The following CNTNAP2 variants were observed in gnomAD, a reference collection of about 807,000 sequenced individuals.
The protein encoded by CNTNAP2 is contactin-associated protein-like 2.
CNTNAP2 carries 98 observed loss-of-function variants against 155.2 expected under a neutral mutation model. That is an observed-to-expected ratio of 0.63 (90% CI 0.54 to 0.75). The LOEUF is 0.75. Among genes scored for constraint, CNTNAP2 ranks in the 30% least tolerant of loss-of-function variants. The probability of loss-of-function intolerance (pLI) is 0.00; values close to 1 mark genes in which losing one functional copy is unlikely to be tolerated. For missense variants in CNTNAP2, 1,727 were observed against 1,688.1 expected, an observed-to-expected ratio of 1.02 and a Z score of -0.40; for synonymous variants, 651 against 631.2, an observed-to-expected ratio of 1.03 and a Z score of -0.47.
At position 147,980,846 on chromosome 7, in the gene CNTNAP2, G is replaced by C. The variant is rs567317763; in HGVS notation, c.2383+2857G>C. Among the ~76,000 whole-genome samples, 599 of 149,050 alleles carry C rather than the reference G, an allele frequency of 4.0e-3. 6 individuals are homozygous for C. The highest frequency in any genetic ancestry group is 6.9e-3 in the Non-Finnish European group (467 of 67,504). On this transcript the variant is annotated intron_variant, in intron 15 of 23. Coordinates refer to ENST00000361727, the MANE Select transcript of CNTNAP2 (RefSeq NM_014141.6). Reference sequence around the variant, plus strand: ...CTCGGGAGGCTGAGGCAGGAGAATGGTGTGAACCTGGGAGGCGGAGCTTGC... The same window carrying C: ...CTCGGGAGGCTGAGGCAGGAGAATGCTGTGAACCTGGGAGGCGGAGCTTGC...
At chr7:146,951,641 C>T (rs896968623) in intron 3 of CNTNAP2, among the ~76,000 whole-genome samples, 7 of 151,980 alleles carry the variant, frequency 4.6e-5, no homozygotes, top group Non-Finnish European at 1.0e-4. Context: ...TCTGTTTGTT[C>T]CATTGGTCTA....
intron 3 of CNTNAP2, among the ~76,000 whole-genome samples, chr7:146,990,133 G>A (rs1210980451): frequency 2.6e-5 from 4 of 152,090 alleles, no homozygotes; most frequent in African/African-American, 7.2e-5. Context: ...CAGATCTAAT[G>A]TACAATGATA....
intron 1 of CNTNAP2, among the ~76,000 whole-genome samples, chr7:146,760,056 A>C (rs1802064404): frequency 6.6e-6 from 1 of 152,198 alleles, no homozygotes. Flanking sequence ...TATTGCTTTC[A>C]CCAATGAGTT....
chr7:147,213,032 T>TAC (rs928229267), intron 8 of CNTNAP2, among the ~76,000 whole-genome samples: 2 of 152,110 alleles, frequency 1.3e-5, no homozygotes, highest in African/African-American at 2.4e-5. Flanking sequence ...GGGATATATA[T>TAC]ACACACACAC....
chr7:146,586,597 A>T (rs1221392981), intron 1 of CNTNAP2, among the ~76,000 whole-genome samples: 1 of 152,026 alleles, frequency 6.6e-6, no homozygotes, highest in Admixed American at 6.6e-5. Context: ...GTAATTAACC[A>T]TCAGATGTAT....
intron 21 of CNTNAP2, among the ~76,000 whole-genome samples, chr7:148,278,243 G>A (rs867510524): frequency 3.7e-4 from 56 of 152,098 alleles, no homozygotes; most frequent in African/African-American, 1.2e-3. Flanking sequence ...GTGGATGCAG[G>A]AGAACTCTGT....
At chr7:146,295,790 T>C (rs1800504837) in intron 1 of CNTNAP2, among the ~76,000 whole-genome samples, 1 of 150,674 alleles carries the variant, frequency 6.6e-6, no homozygotes, top group South Asian at 2.1e-4. Flanking sequence ...ATGAAAACTT[T>C]ACATAAATGA....
intron 12 of CNTNAP2, among the ~76,000 whole-genome samples, chr7:147,565,741 G>C (rs1277243229): frequency 6.6e-6 from 1 of 152,152 alleles, no homozygotes; most frequent in East Asian, 1.9e-4. Flanking sequence ...CCATTTAGGA[G>C]AAGTGGACAA....
intron 15 of CNTNAP2, among the ~76,000 whole-genome samples, chr7:148,031,093 C>T (rs1416143141): frequency 2.6e-5 from 4 of 152,052 alleles, no homozygotes; most frequent in South Asian, 2.1e-4. Flanking sequence ...GATGGTGGGA[C>T]GATGTGATTA....
chr7:148,399,166 C>T (rs1438566972), intron 22 of CNTNAP2, among the ~76,000 whole-genome samples: 2 of 152,182 alleles, frequency 1.3e-5, no homozygotes, highest in African/African-American at 4.8e-5. Flanking sequence ...GTCTGACATA[C>T]CATAATATGC....
chr7:146,569,085 T>A (rs12703824), intron 1 of CNTNAP2, among the ~76,000 whole-genome samples: 3 of 151,790 alleles, frequency 2.0e-5, no homozygotes, highest in African/African-American at 7.3e-5. Context: ...GGCGCAATCT[T>A]GGCTCACCGC....
At chr7:147,118,795 C>T (rs573923875) in intron 5 of CNTNAP2, among the ~76,000 whole-genome samples, 4 of 152,116 alleles carry the variant, frequency 2.6e-5, no homozygotes, top group Non-Finnish European at 5.9e-5. Context: ...TTGATGTTAA[C>T]ACCATTATAT....
At chr7:148,057,519 T>C (rs1355364458) in intron 15 of CNTNAP2, among the ~76,000 whole-genome samples, 1 of 152,174 alleles carries the variant, frequency 6.6e-6, no homozygotes, top group Non-Finnish European at 1.5e-5. Flanking sequence ...TAGAATGCGT[T>C]TATGAGTGTG....
intron 8 of CNTNAP2, among the ~76,000 whole-genome samples, chr7:147,173,756 A>C (rs1339109689): frequency 1.3e-5 from 2 of 152,148 alleles, no homozygotes; most frequent in African/African-American, 4.8e-5. Context: ...AAAATGAGGA[A>C]GTGAAGTGGG....
At chr7:146,397,277 A>G (rs546127847) in intron 1 of CNTNAP2, among the ~76,000 whole-genome samples, 8 of 152,192 alleles carry the variant, frequency 5.3e-5, no homozygotes, top group Non-Finnish European at 1.2e-4. Flanking sequence ...TGGTTTGCAG[A>G]TTTACATAAA....
chr7:146,958,407 G>GTTTTTT (rs71165054), intron 3 of CNTNAP2, among the ~76,000 whole-genome samples: 83 of 78,042 alleles, frequency 1.1e-3, no homozygotes, highest in Non-Finnish European at 1.2e-3. Flanking sequence ...CATTTTTATG[G>GTTTTTT]TTTTTTTTTT....
intron 21 of CNTNAP2, among the ~76,000 whole-genome samples, chr7:148,268,680 T>C (rs1796720097): frequency 6.6e-6 from 1 of 151,190 alleles, no homozygotes; most frequent in Non-Finnish European, 1.5e-5. Context: ...AATAATAATG[T>C]GCACTTATGT....
intron 21 of CNTNAP2, among the ~76,000 whole-genome samples, chr7:148,287,355 C>T (rs893904648): frequency 2.0e-5 from 3 of 152,022 alleles, no homozygotes; most frequent in Non-Finnish European, 4.4e-5. Flanking sequence ...GAAAAAAAGG[C>T]AAAAGTCAAT....
intron 1 of CNTNAP2, among the ~76,000 whole-genome samples, chr7:146,194,669 A>T (rs1312736843): frequency 2.0e-5 from 3 of 152,338 alleles, no homozygotes; most frequent in Admixed American, 2.0e-4. Flanking sequence ...TTTGCTTTTT[A>T]TCCATACACT....
Sources: allele counts gnomAD v4.1 joint callset (sites outside exome capture counted in the v4.1 genomes callset), GRCh38; gene constraint gnomAD v4.1.1; transcripts MANE v1.5; gene names NCBI Gene and HGNC (gene_info 2026-07-23, HGNC 2026-07-21).